The following PDE1C variants were observed in gnomAD, a reference collection of about 807,000 sequenced individuals.
PDE1C encodes dual specificity calcium/calmodulin-dependent 3',5'-cyclic nucleotide phosphodiesterase 1C.
Under a neutral mutation model 93.1 loss-of-function variants are expected in PDE1C, and 62 were observed. That is an observed-to-expected ratio of 0.67 (90% confidence interval 0.54 to 0.82). PDE1C has a LOEUF of 0.82. PDE1C is among the 40% of genes least tolerant of loss of function. The pLI is 0.00. For missense variants in PDE1C, 742 were observed against 884.6 expected, an observed-to-expected ratio of 0.84 and a Z score of 2.04; for synonymous variants, 325 against 310.1, an observed-to-expected ratio of 1.05 and a Z score of -0.50.
At chr7:32,373,954 G>T (rs568085679) in intron 1 of PDE1C, among the ~76,000 whole-genome samples, 1 of 151,668 alleles carries the variant, frequency 6.6e-6, no homozygotes. Context: ...CCAAGATCGC[G>T]CCACTGCACT....
At chr7:32,218,741 G>A (rs1806616880) in intron 1 of PDE1C, among the ~76,000 whole-genome samples, 1 of 152,214 alleles carries the variant, frequency 6.6e-6, no homozygotes, top group African/African-American at 2.4e-5. Flanking sequence ...AAAGTGAGAT[G>A]TTAATGAAAA....
At chr7:31,660,205 G>A in the PDE1C span, among the ~76,000 whole-genome samples, 17 of 152,244 alleles carry the variant, frequency 1.1e-4, no homozygotes, top group South Asian at 2.1e-4. Context: ...TCTTGGCTAT[G>A]TCTTTATTAG....
At chr7:31,622,253 A>T in the PDE1C span, among the ~76,000 whole-genome samples, 1 of 149,388 alleles carries the variant, frequency 6.7e-6, no homozygotes, top group African/African-American at 2.5e-5. Flanking sequence ...CACCAAGCGG[A>T]CCTAATAGGC....
chr7:32,218,832 C>T (rs1806625680), intron 1 of PDE1C, among the ~76,000 whole-genome samples: 1 of 152,198 alleles, frequency 6.6e-6, no homozygotes. Context: ...CAGGTTGACT[C>T]TACAGGGCCC....
chr7:32,227,305 T>C (rs1238617956), intron 1 of PDE1C, among the ~76,000 whole-genome samples: 2 of 152,174 alleles, frequency 1.3e-5, no homozygotes, highest in African/African-American at 4.8e-5. Flanking sequence ...GGGAACATCC[T>C]CAGGGAAGCC....
intron 3 of PDE1C, among the ~76,000 whole-genome samples, chr7:32,081,245 T>C (rs1200905020): frequency 6.6e-6 from 1 of 152,008 alleles, no homozygotes; most frequent in Non-Finnish European, 1.5e-5. Flanking sequence ...GAAAGAGTGC[T>C]GAGTCCTTGA....
intron 2 of PDE1C, among the ~76,000 whole-genome samples, chr7:31,975,770 C>T (rs373942881): frequency 2.0e-5 from 3 of 152,112 alleles, no homozygotes; most frequent in Admixed American, 6.6e-5. Flanking sequence ...AGATTAGCCA[C>T]GTAAAGTTGT....
intron 1 of PDE1C, among the ~76,000 whole-genome samples, chr7:32,060,714 A>ATT (rs56982110): frequency 6.8e-4 from 102 of 150,658 alleles, no homozygotes; most frequent in Non-Finnish European, 8.6e-4. Flanking sequence ...CGATTCTTTC[A>ATT]TTTTTTTTTT....
chr7:32,287,928 C>T lies in PDE1C; in HGVS notation c.85+10723G>A, dbSNP rs377300817. ...TTCAAAAATGTAGAAACTGGCTGGG[C>T]GCAGTGCCTCACACCTGTAATCCCA... On this transcript the variant is annotated intron_variant, in intron 1 of 18. Coordinates refer to the PDE1C transcript ENST00000396193. Among the ~76,000 whole-genome samples the T allele has an allele frequency of 3.3e-5, 5 of 152,182 alleles. No homozygotes were observed. In the East Asian group the frequency reaches 5.8e-4, roughly 18 times the overall value.
At chr7:31,723,794 C>A in the PDE1C span, among the ~76,000 whole-genome samples, 1 of 152,188 alleles carries the variant, frequency 6.6e-6, no homozygotes, top group Non-Finnish European at 1.5e-5. Context: ...AGACACTTTT[C>A]TTTAGTTAAT....
chr7:31,695,125 C>T, the PDE1C span, among the ~76,000 whole-genome samples: 2 of 145,094 alleles, frequency 1.4e-5, no homozygotes, highest in South Asian at 2.2e-4. Flanking sequence ...AGAATGGAGG[C>T]GCGTTTAGCA....
At chr7:31,746,782 T>C (rs906764856), downstream of PDE1C, among the ~76,000 whole-genome samples, 4 of 152,136 alleles carry the variant, frequency 2.6e-5, no homozygotes, top group Non-Finnish European at 5.9e-5. Flanking sequence ...AATTTTTTTT[T>C]CCCACATGGA....
rs746344866 is a variant in PDE1C, at chr7:31,936,211, A to G, written c.129-55351T>C. On this transcript the variant is annotated intron_variant, in intron 2 of 17. Transcript: ENST00000396191. ...TATACTCAACATTTGTTGAGTCATT[A>G]TTAAGCAGGGAATGGTCCATAAAAC... Among the ~76,000 whole-genome samples the G allele has an allele frequency of 7.9e-5, 12 of 152,202 alleles. 1 individual carries two copies. Among genetic ancestry groups the G allele is most frequent in the Non-Finnish European group, 1.6e-4 (11 of 68,038 alleles).
At chr7:31,886,250 CA>C (rs1797862492) in intron 2 of PDE1C, among the ~76,000 whole-genome samples, 1 of 152,230 alleles carries the variant, frequency 6.6e-6, no homozygotes, top group African/African-American at 2.4e-5. Flanking sequence ...TCCTCCATGT[CA>C]CTCCTGTCCT....
At chr7:31,935,775 TAA>T (rs1804965292) in intron 2 of PDE1C, among the ~76,000 whole-genome samples, 1 of 152,112 alleles carries the variant, frequency 6.6e-6, no homozygotes, top group Non-Finnish European at 1.5e-5. Context: ...ACCCTTGCAC[TAA>T]AGTCTCTTTG....
At chr7:31,759,055 CT>C (rs1364832329) in intron 17 of PDE1C, among the ~76,000 whole-genome samples, 2 of 152,196 alleles carry the variant, frequency 1.3e-5, no homozygotes, top group Non-Finnish European at 2.9e-5. Context: ...AGAGTTGAAC[CT>C]GCTGATATAG....
At position 32,140,797 on chromosome 7, in the gene PDE1C, G is replaced by T. The variant is rs960359383; in HGVS notation, c.308+28988C>A. The stretch of plus-strand genomic sequence containing the variant: ...GGCTGGTGCCTCAGCGTGCCCACTC[G>T]AGAGTGAGGATGTGGGATGTATAAT... On this transcript the variant is annotated intron_variant, in intron 3 of 18. Transcript: ENST00000396193. Among the ~76,000 whole-genome samples the T allele has an allele frequency of 2.6e-5, 4 of 152,220 alleles. No homozygotes were observed. In the East Asian group the frequency reaches 5.8e-4, roughly 22 times the overall value.
intron 1 of PDE1C, among the ~76,000 whole-genome samples, chr7:32,348,230 G>A (rs1417133710): frequency 6.6e-6 from 1 of 151,994 alleles, no homozygotes; most frequent in Non-Finnish European, 1.5e-5. Flanking sequence ...CTTAAAGATA[G>A]AAAGGTATGT....
At chr7:32,034,054 C>CTGTGTGTGTGTGTGTG (rs5883321) in intron 2 of PDE1C, among the ~76,000 whole-genome samples, 3,332 of 148,434 alleles carry the variant, frequency 0.022, 139 homozygotes, top group African/African-American at 0.079. Flanking sequence ...AGATGAGAGA[C>CTGTGTGTGTGTGTGTG]TGTGTGTGTG....
Sources: allele counts gnomAD v4.1 joint callset (sites outside exome capture counted in the v4.1 genomes callset), GRCh38; gene constraint gnomAD v4.1.1; transcripts MANE v1.5; gene names NCBI Gene and HGNC (gene_info 2026-07-23, HGNC 2026-07-21).